ANXA4: variants seen among roughly 807,000 people sequenced by gnomAD.
The protein encoded by ANXA4 is annexin A4, also known as 35-beta calcimedin.
A neutral mutation model predicts 49.8 loss-of-function variants in ANXA4; 39 were observed. The ratio of observed to expected loss-of-function variants is 0.78; its 90% CI spans 0.61 to 1.02. The LOEUF is 1.02. Ranked by LOEUF, ANXA4 falls within the 50% of genes least tolerant of loss-of-function variation. ANXA4 has a pLI of 0.00. For missense variants in ANXA4, 360 were observed against 410.1 expected (o/e 0.88, Z 1.05); for synonymous variants, 134 against 152.5 (o/e 0.88, Z 0.89).
chr2:69,691,121 C>T (rs74636963), intron 2 of ANXA4, among the ~76,000 whole-genome samples: 2 of 145,114 alleles, frequency 1.4e-5, no homozygotes, highest in Non-Finnish European at 1.5e-5. Flanking sequence ...CTGGTACAGT[C>T]TTTTTTTTTT....
chr2:69,665,522 G>A lies in ANXA4; in HGVS notation n.766+12240G>A, dbSNP rs114679563. ...GGCGACAGAGTGAGACTCCACCCCAGAATTGTGGGTGTTATTTTTTTGGAG... is the reference window on the plus strand; with the variant it reads ...GGCGACAGAGTGAGACTCCACCCCAAAATTGTGGGTGTTATTTTTTTGGAG... On this transcript the variant is annotated intron_variant and non_coding_transcript_variant, in intron 2 of 3. Coordinates refer to the ANXA4 transcript ENST00000418066. 6.1e-3 allele frequency among the ~76,000 whole-genome samples: 931 copies of A among 152,250 alleles called. 11 individuals carry two copies. Among genetic ancestry groups the A allele is most frequent in the African/African-American group, 0.021 (890 of 41,554 alleles).
intron 2 of ANXA4, among the ~76,000 whole-genome samples, chr2:69,669,077 C>T (rs924830405): frequency 1.3e-5 from 2 of 151,578 alleles, no homozygotes; most frequent in Admixed American, 1.3e-4. Context: ...GCTGGGATTA[C>T]AGGTGTGTGC....
At chr2:69,733,233 A>G (rs2105450544) in intron 3 of ANXA4, among the ~76,000 whole-genome samples, 1 of 152,364 alleles carries the variant, frequency 6.6e-6, no homozygotes, top group East Asian at 1.9e-4. Flanking sequence ...TAAAACATGA[A>G]GAATTATTGG....
chr2:69,808,162 G>A (rs1011129880), intron 6 of ANXA4, 166 bp downstream of exon 6: 45 of 632,140 alleles, frequency 7.1e-5, no homozygotes, highest in East Asian at 6.3e-4. Flanking sequence ...GCCAAATGGC[G>A]GTCTGTTGGC....
At chr2:69,711,159 G>A (rs1225369272) in intron 2 of ANXA4, among the ~76,000 whole-genome samples, 1 of 152,090 alleles carries the variant, frequency 6.6e-6, no homozygotes, top group Non-Finnish European at 1.5e-5. Context: ...GTGAAACTCT[G>A]TCTCTATTAA....
chr2:69,652,813 A>G (rs1403658168), intron 1 of ANXA4, among the ~76,000 whole-genome samples: 1 of 152,170 alleles, frequency 6.6e-6, no homozygotes, highest in Non-Finnish European at 1.5e-5. Context: ...GAACCCAGAC[A>G]GTGCCACTGC....
intron 1 of ANXA4, among the ~76,000 whole-genome samples, chr2:69,651,817 TG>T (rs1218915002): frequency 0.011 from 138 of 12,598 alleles, 3 homozygotes; most frequent in African/African-American, 0.02. Context: ...TTTTTTTTTT[TG>T]GGGGGGGGGG....
chr2:69,789,831 T>C (rs1308383786), intron 3 of ANXA4, among the ~76,000 whole-genome samples: 2 of 152,174 alleles, frequency 1.3e-5, no homozygotes, highest in African/African-American at 2.4e-5. Flanking sequence ...GTCTTGCTTA[T>C]CTGGGAGGGA....
intron 1 of ANXA4, among the ~76,000 whole-genome samples, chr2:69,652,637 T>C (rs1676293976): frequency 6.6e-6 from 1 of 152,084 alleles, no homozygotes; most frequent in Admixed American, 6.5e-5. Context: ...GGCAGGCAGA[T>C]CACGTGAGGT....
In ANXA4 at chr2:69,825,978, A is replaced by T. The variant is rs559211670; in HGVS notation, c.*463A>T. The T allele has an allele frequency of 6.6e-6, 1 of 152,578 alleles. No homozygotes were observed. Among genetic ancestry groups the T allele is most frequent in the Non-Finnish European group, 1.5e-5 (1 of 68,322 alleles). 9.5% of individuals were successfully genotyped at this position (152,578 alleles called of 1,614,324 possible). A position where few individuals can be genotyped will look rare whatever the true frequency, so the allele number is the denominator to read the frequency against. ...AGTAAGAATGCCCATCCAGTTTTCT[A>T]TATTTCATAGTCAAAGCCTTGAAAG... is the stretch of plus-strand genomic sequence containing the variant. On this transcript the variant is annotated 3_prime_UTR_variant, in exon 13 of 13. Coordinates refer to ENST00000394295, the MANE Select transcript of ANXA4 (RefSeq NM_001153.5).
intron 4 of ANXA4, 147 bp downstream of exon 4, chr2:69,804,774 G>C: frequency 1.4e-6 from 1 of 728,092 alleles, no homozygotes. Flanking sequence ...GGCCAGGTGT[G>C]GTGGGTCACA....
At chr2:69,811,714 G>A (rs775615958) in intron 7 of ANXA4, among the ~76,000 whole-genome samples, 56 of 152,024 alleles carry the variant, frequency 3.7e-4, no homozygotes, top group African/African-American at 1.3e-3. Context: ...CTCTTCTTCC[G>A]GACTTGCCTG....
intron 1 of ANXA4, among the ~76,000 whole-genome samples, chr2:69,763,091 T>C (rs1671362165): frequency 6.6e-6 from 1 of 152,296 alleles, no homozygotes; most frequent in South Asian, 2.1e-4. Context: ...GTTCCTCACG[T>C]GAATCAGAAA....
At chr2:69,785,551 T>TTGATGATGGTGATGATGATGA in intron 2 of ANXA4, among the ~76,000 whole-genome samples, 1 of 150,872 alleles carries the variant, frequency 6.6e-6, no homozygotes, top group African/African-American at 2.4e-5. Context: ...GAAGTTCTCT[T>TTGATGATGGTGATGATGATGA]TGATGATGAT....
intron 3 of ANXA4, among the ~76,000 whole-genome samples, chr2:69,798,226 C>A (rs952797174): frequency 1.3e-5 from 2 of 152,116 alleles, no homozygotes; most frequent in Non-Finnish European, 2.9e-5. Flanking sequence ...ATGGAATTCC[C>A]CTGTCTGTAA....
intron 7 of ANXA4, among the ~76,000 whole-genome samples, chr2:69,811,777 G>A (rs1673713453): frequency 6.6e-6 from 1 of 152,020 alleles, no homozygotes; most frequent in Non-Finnish European, 1.5e-5. Context: ...CAGAACCCTG[G>A]AAATCATCTC....
At chr2:69,771,954 C>T (rs1015607195) in intron 1 of ANXA4, among the ~76,000 whole-genome samples, 11 of 152,090 alleles carry the variant, frequency 7.2e-5, no homozygotes, top group African/African-American at 2.7e-4. Flanking sequence ...TCAGTTGCTC[C>T]AAAACTATGT....
chr2:69,687,180 A>G (rs2105366823), intron 2 of ANXA4, among the ~76,000 whole-genome samples: 1 of 152,284 alleles, frequency 6.6e-6, no homozygotes, highest in Middle Eastern at 3.4e-3. Context: ...AGAAAAGGAT[A>G]CAAGGAGACA....
intron 1 of ANXA4, among the ~76,000 whole-genome samples, chr2:69,751,136 T>C (rs1487500417): frequency 6.6e-6 from 1 of 152,092 alleles, no homozygotes; most frequent in Non-Finnish European, 1.5e-5. Flanking sequence ...AGTAATTTGC[T>C]CAAAGTTGCA....
Sources: allele counts gnomAD v4.1 joint callset (sites outside exome capture counted in the v4.1 genomes callset), GRCh38; gene constraint gnomAD v4.1.1; transcripts MANE v1.5; gene names NCBI Gene and HGNC (gene_info 2026-07-23, HGNC 2026-07-21).